STOX1: variants seen among roughly 807,000 people sequenced by gnomAD.
STOX1 encodes the protein storkhead-box protein 1.
Under a neutral mutation model 74.8 loss-of-function variants are expected in STOX1, and 57 were observed. The ratio of observed to expected loss-of-function variants is 0.76; its 90% confidence interval spans 0.62 to 0.95. The LOEUF is 0.95. Among genes scored for constraint, STOX1 ranks in the 40% least tolerant of loss-of-function variants. The pLI is 0.00. For synonymous variants in STOX1, 375 were observed against 401.3 expected, an observed-to-expected ratio of 0.93 and a Z score of 0.78; for missense variants, 1,010 against 1,117.0, an observed-to-expected ratio of 0.90 and a Z score of 1.37.
At chr10:68,829,637 G>A (rs1054463206) in intron 1 of STOX1, among the ~76,000 whole-genome samples, 1 of 152,114 alleles carries the variant, frequency 6.6e-6, no homozygotes, top group African/African-American at 2.4e-5. Context: ...TCCATTCAGA[G>A]ATGGTATTAC....
At chr10:68,895,362 C>G (rs1841172503), downstream of STOX1, 1 of 152,126 alleles carries the variant, frequency 6.6e-6, no homozygotes, top group South Asian at 2.1e-4. Flanking sequence ...CATTATGAAA[C>G]CAGTAAAATT....
At chr10:68,839,394 T>A (rs1418518796) in intron 1 of STOX1, among the ~76,000 whole-genome samples, 1 of 152,052 alleles carries the variant, frequency 6.6e-6, no homozygotes, top group East Asian at 1.9e-4. Flanking sequence ...GGCTAATTTT[T>A]AATTTTTTTG....
intron 1 of STOX1, among the ~76,000 whole-genome samples, chr10:68,857,406 C>T (rs1420673805): frequency 6.6e-6 from 1 of 152,074 alleles, no homozygotes; most frequent in African/African-American, 2.4e-5. Context: ...CTCTATTTAA[C>T]CTTCTGGAAT....
intron 3 of STOX1, among the ~76,000 whole-genome samples, chr10:68,889,292 T>C (rs74581015): frequency 0.026 from 3,921 of 152,176 alleles, 73 homozygotes; most frequent in Non-Finnish European, 0.032. Context: ...TAAAAAGTTT[T>C]TTTGATCACT....
chr10:68,876,119 A>AATATATATATATATATAT (rs56325624), intron 1 of STOX1, among the ~76,000 whole-genome samples: 4 of 135,736 alleles, frequency 2.9e-5, no homozygotes, highest in East Asian at 2.1e-4. Context: ...TCTTTACCAG[A>AATATATATATATATATAT]ATATATATAT....
chr10:68,831,084 G>A (rs1207522515), intron 1 of STOX1, among the ~76,000 whole-genome samples: 2 of 152,186 alleles, frequency 1.3e-5, no homozygotes, highest in African/African-American at 4.8e-5. Context: ...GTGGACTATT[G>A]CAGGTTGTTG....
chr10:68,866,535 C>T (rs552028066), intron 1 of STOX1, among the ~76,000 whole-genome samples: 3 of 152,280 alleles, frequency 2.0e-5, no homozygotes, highest in Admixed American at 2.0e-4. Flanking sequence ...CTGTGCTATA[C>T]ACTCTCCCAG....
chr10:68,890,506 T>A lies in STOX1; in HGVS notation c.2823-2083T>A, dbSNP rs146968687. Among the ~76,000 whole-genome samples the A allele has an allele frequency of 3.7e-4, 57 of 152,314 alleles. 1 individual carries two copies. In the East Asian group the frequency reaches 0.01, roughly 27 times the overall value. The stretch of plus-strand genomic sequence containing the variant: ...ATTTAGATCATTCCCAATTTTTTGC[T>A]ATTAACAAATCAATCTGCAGTGAGT... On this transcript the variant is annotated intron_variant, in intron 3 of 3. Coordinates refer to ENST00000298596, the MANE Select transcript of STOX1 (RefSeq NM_152709.5).
At chr10:68,852,269 T>TTTTTTG (rs1442420660) in intron 1 of STOX1, among the ~76,000 whole-genome samples, 1 of 144,732 alleles carries the variant, frequency 6.9e-6, no homozygotes, top group Non-Finnish European at 1.5e-5. Context: ...TTTTTTTTTT[T>TTTTTTG]GAGACGGAGT....
chr10:68,872,415 G>A (rs138205923), intron 1 of STOX1, among the ~76,000 whole-genome samples: 7,333 of 145,430 alleles, frequency 0.05, 228 homozygotes, highest in Middle Eastern at 0.11. Context: ...GCACAGTCTC[G>A]GCTCACCGCA....
At chr10:68,828,637 G>T (rs1435912037) in intron 1 of STOX1, among the ~76,000 whole-genome samples, 2 of 152,200 alleles carry the variant, frequency 1.3e-5, no homozygotes, top group Non-Finnish European at 1.5e-5. Context: ...CCACCGGGGC[G>T]GTTAGGAAGG....
intron 1 of STOX1, among the ~76,000 whole-genome samples, chr10:68,857,390 C>T (rs777208335): frequency 2.4e-4 from 37 of 152,044 alleles, no homozygotes; most frequent in African/African-American, 3.6e-4. Context: ...GGAAGGATCC[C>T]GGGTTCTCTA....
intron 1 of STOX1, among the ~76,000 whole-genome samples, chr10:68,846,375 C>A (rs907890905): frequency 1.3e-5 from 2 of 152,046 alleles, no homozygotes; most frequent in Admixed American, 6.6e-5. Context: ...GTCTTGAACT[C>A]CTGACCTCAG....
intron 1 of STOX1, among the ~76,000 whole-genome samples, chr10:68,857,217 T>A (rs1007042): frequency 6.6e-6 from 1 of 151,762 alleles, no homozygotes; most frequent in Non-Finnish European, 1.5e-5. Flanking sequence ...CAGGGTGGTA[T>A]GATGAAAGAT....
At chr10:68,853,464 C>G (rs1840040715) in intron 1 of STOX1, among the ~76,000 whole-genome samples, 1 of 152,082 alleles carries the variant, frequency 6.6e-6, no homozygotes, top group Non-Finnish European at 1.5e-5. Flanking sequence ...ATTAACCTGG[C>G]TCAAGACATA....
chr10:68,846,452 A>G lies in STOX1; in HGVS notation c.310+18519A>G, dbSNP rs12241838. ...GGCATGAGCTACCACTCTTGGCCAG[A>G]GGTTGATTATTATTTTTTGCATATG... On this transcript the variant is annotated intron_variant, in intron 1 of 3. Coordinates refer to ENST00000298596, the MANE Select transcript of STOX1 (RefSeq NM_152709.5). Among the ~76,000 whole-genome samples the G allele has an allele frequency of 4.4e-3, 674 of 152,210 alleles. 10 individuals are homozygous for G. The highest frequency in any genetic ancestry group is 0.015 in the African/African-American group (642 of 41,530).
intron 1 of STOX1, among the ~76,000 whole-genome samples, chr10:68,849,942 T>A (rs1839942029): frequency 6.6e-6 from 1 of 152,150 alleles, no homozygotes; most frequent in South Asian, 2.1e-4. Context: ...TTGTGGGTCA[T>A]GTAAAATGGC....
At chr10:68,894,713 G>A (rs148180467), downstream of STOX1, among the ~76,000 whole-genome samples, 1,308 of 152,280 alleles carry the variant, frequency 8.6e-3, 19 homozygotes, top group African/African-American at 0.03. Flanking sequence ...TGGAAGTTAA[G>A]AGAAGTATTT....
At chr10:68,884,219 T>C in intron 2 of STOX1, 41 bp from the exon 3 acceptor site, 1 of 1,587,528 alleles carries the variant, frequency 6.3e-7, no homozygotes, top group Non-Finnish European at 8.6e-7. Context: ...TTAAAATTTT[T>C]CTTATTCAAA....
Sources: gnomAD v4.1 joint callset for allele counts (sites outside exome capture counted in the v4.1 genomes callset) on GRCh38, gnomAD v4.1.1 for gene constraint, MANE v1.5 for transcripts, NCBI Gene and HGNC (gene_info 2026-07-23, HGNC 2026-07-21) for gene names.